Variants in CDADC1 observed in about 807,000 individuals in gnomAD.
The protein encoded by CDADC1 is dCTP deaminase.
A neutral mutation model predicts 54.9 loss-of-function variants in CDADC1; 39 were observed. That is an observed-to-expected ratio of 0.71 (90% confidence interval 0.55 to 0.93). The LOEUF is 0.93. Ranked by LOEUF, CDADC1 falls within the 40% of genes least tolerant of loss-of-function variation. The probability of loss-of-function intolerance (pLI) is 0.00; values close to 1 mark genes in which losing one functional copy is unlikely to be tolerated. For missense variants in CDADC1, 518 were observed against 618.8 expected (o/e 0.84, Z 1.73); for synonymous variants, 186 against 204.0 (o/e 0.91, Z 0.75).
intron 9 of CDADC1, 83 bp from the exon 10 acceptor site, chr13:49,291,601 G>T: frequency 1.6e-6 from 2 of 1,274,938 alleles, no homozygotes; most frequent in Non-Finnish European, 2.2e-6. Context: ...GCATTGTTTT[G>T]CTCTTACAAC....
intron 2 of CDADC1, among the ~76,000 whole-genome samples, chr13:49,253,278 C>T (rs1952474859): frequency 6.6e-6 from 1 of 151,960 alleles, no homozygotes; most frequent in Non-Finnish European, 1.5e-5. Flanking sequence ...ATCATAATTC[C>T]ACCTCCTAGA....
chr13:49,282,236 G>GGTTT lies in CDADC1; in HGVS notation c.1410+1538_1410+1539insGTTT, dbSNP rs1555315245. Among the ~76,000 whole-genome samples the GGTTT allele has an allele frequency of 2.3e-3, 214 of 94,116 alleles. 2 individuals carry two copies. The highest frequency in any genetic ancestry group is 3.8e-3 in the South Asian group (10 of 2,606). 61.7% of individuals were successfully genotyped at this position (94,116 alleles called of 152,430 possible). Reference sequence around the variant, plus strand: ...ACTATTTGGGTTCTGGTTTTTGTGGGTTTTTTTTTTTTTTTTTTTGCTTTT... The same window carrying GGTTT: ...ACTATTTGGGTTCTGGTTTTTGTGGGGTTTTTTTTTTTTTTTTTTTTTTGCTTTT... On this transcript the variant is annotated intron_variant, in intron 8 of 9. Coordinates refer to ENST00000251108, the MANE Select transcript of CDADC1 (RefSeq NM_030911.4).
chr13:49,280,805 A>AATTATTATTATTATTATTATT (rs10626538), intron 8 of CDADC1, 107 bp downstream of exon 8: 71 of 228,276 alleles, frequency 3.1e-4, no homozygotes, highest in African/African-American at 1.2e-3. Context: ...AGTTTCAACA[A>AATTATTATTATTATTATTATT]ATTATTATTA....
At chr13:49,275,716 TATATATATATAGAGAGAGAGAG>T (rs1953098727) in intron 6 of CDADC1, among the ~76,000 whole-genome samples, 3 of 58,078 alleles carry the variant, frequency 5.2e-5, no homozygotes, top group East Asian at 1.0e-3. Context: ...TATATATATA[TATATATATATAGAGAGAGAGAG>T]AGAGAGAGAG....
At chr13:49,281,853 C>CG (rs1953345471) in intron 8 of CDADC1, among the ~76,000 whole-genome samples, 1 of 152,110 alleles carries the variant, frequency 6.6e-6, no homozygotes, top group South Asian at 2.1e-4. Flanking sequence ...AGTGCAATGG[C>CG]GTGATCTCGG....
intron 4 of CDADC1, among the ~76,000 whole-genome samples, chr13:49,262,886 A>G (rs9535180): frequency 0.3 from 45,112 of 152,018 alleles, 6,817 homozygotes; most frequent in East Asian, 0.5. Context: ...CATACTCTTC[A>G]CTGCACTCAG....
At chr13:49,277,172 C>G (rs1312099059) in intron 6 of CDADC1, among the ~76,000 whole-genome samples, 1 of 151,174 alleles carries the variant, frequency 6.6e-6, no homozygotes, top group Non-Finnish European at 1.5e-5. Flanking sequence ...ATGAAATGAT[C>G]CATGTAAAAC....
intron 4 of CDADC1, among the ~76,000 whole-genome samples, chr13:49,264,445 G>A (rs1952763368): frequency 6.6e-6 from 1 of 151,920 alleles, no homozygotes; most frequent in Non-Finnish European, 1.5e-5. Context: ...GTACAGGTCA[G>A]GCGCAGTGGC....
intron 2 of CDADC1, among the ~76,000 whole-genome samples, chr13:49,251,572 C>T (rs758370320): frequency 2.8e-4 from 42 of 150,974 alleles, no homozygotes; most frequent in Non-Finnish European, 5.6e-4. Context: ...TTTCAACAGG[C>T]ACAAGTTGTA....
chr13:49,261,472 T>A lies in CDADC1; in HGVS notation c.430+1949T>A, dbSNP rs566788440. ...TCATGTTCAACTGACCTACAGTTCCTGTTTGTAGGTAATGTGGAGACATTG... is the reference window on the plus strand; with the variant it reads ...TCATGTTCAACTGACCTACAGTTCCAGTTTGTAGGTAATGTGGAGACATTG... On this transcript the variant is annotated intron_variant, in intron 4 of 9. Coordinates refer to ENST00000251108, the MANE Select transcript of CDADC1 (RefSeq NM_030911.4). 5.9e-5 allele frequency among the ~76,000 whole-genome samples: 9 copies of A among 152,332 alleles called. No individual in the cohort carries two copies. In the East Asian group the frequency reaches 1.7e-3, roughly 29 times the overall value.
At chr13:49,256,331 G>A (rs1256174469) in intron 3 of CDADC1, among the ~76,000 whole-genome samples, 1 of 152,144 alleles carries the variant, frequency 6.6e-6, no homozygotes, top group Non-Finnish European at 1.5e-5. Flanking sequence ...AGGACAAAAA[G>A]CAATCTGGCT....
intron 4 of CDADC1, among the ~76,000 whole-genome samples, chr13:49,260,794 A>C (rs1344453792): frequency 6.6e-6 from 1 of 152,230 alleles, no homozygotes; most frequent in East Asian, 1.9e-4. Flanking sequence ...TGGGGGCCAA[A>C]ATAACAATTT....
intron 2 of CDADC1, among the ~76,000 whole-genome samples, chr13:49,255,628 G>A (rs1952525270): frequency 6.6e-6 from 1 of 151,988 alleles, no homozygotes; most frequent in African/African-American, 2.4e-5. Context: ...TATGTTTTGG[G>A]AAAGTACATA....
At chr13:49,250,001 C>CT (rs1351055844) in intron 2 of CDADC1, among the ~76,000 whole-genome samples, 7 of 152,150 alleles carry the variant, frequency 4.6e-5, no homozygotes, top group East Asian at 1.9e-4. Flanking sequence ...GCATTTAAGA[C>CT]TTTTTTTAAA....
chr13:49,262,456 A>G (rs1056676425), intron 4 of CDADC1, among the ~76,000 whole-genome samples: 1 of 152,174 alleles, frequency 6.6e-6, no homozygotes, highest in Non-Finnish European at 1.5e-5. Flanking sequence ...CCAAAAAGCA[A>G]AAACAAAAAC....
Position 49,291,883 on chromosome 13 carries a change from A to T in CDADC1, c.*126A>T. ...ATTGAAAAGATTTTTTAAGGAAGCT[A>T]ATTTATTTCTAGGATACAAATGGTG... On this transcript the variant is annotated 3_prime_UTR_variant, in exon 10 of 10. Coordinates refer to ENST00000251108, the MANE Select transcript of CDADC1 (RefSeq NM_030911.4). 1 of 1,442,070 alleles carries T rather than the reference A, an allele frequency of 6.9e-7. No individual in the cohort carries two copies. Among genetic ancestry groups the T allele is most frequent in the African/African-American group, 1.4e-5 (1 of 69,752 alleles). 89.3% of individuals were successfully genotyped at this position (1,442,070 alleles called of 1,614,324 possible).
intron 9 of CDADC1, among the ~76,000 whole-genome samples, chr13:49,286,502 G>C (rs1438395764): frequency 3.3e-5 from 5 of 152,130 alleles, no homozygotes. Context: ...GAATCTACAG[G>C]TTAATACAAA....
In CDADC1 at chr13:49,271,801, G is replaced by A. The variant is rs1952971008; in HGVS notation, c.1001-2490G>A. Among the ~76,000 whole-genome samples, 6 of 152,022 alleles carry A rather than the reference G, an allele frequency of 3.9e-5. No homozygotes were observed. The South Asian group carries it at 1.2e-3, about 32-fold the overall frequency. On this transcript the variant is annotated intron_variant, in intron 5 of 9. Coordinates refer to ENST00000251108, the MANE Select transcript of CDADC1 (RefSeq NM_030911.4). Reference sequence around the variant, plus strand: ...GAATTTGACTCAATGATTGTAAGTTGACCTTTCCTTCAAAGTTGTACAGAG... The same window carrying A: ...GAATTTGACTCAATGATTGTAAGTTAACCTTTCCTTCAAAGTTGTACAGAG...
At chr13:49,265,965 G>A (rs776608576) in intron 4 of CDADC1, 11 of 1,300,724 alleles carry the variant, frequency 8.5e-6, no homozygotes, top group Non-Finnish European at 4.1e-6. Flanking sequence ...CGAACAGAGG[G>A]AAGGTGAAAT....
Sources: allele counts gnomAD v4.1 joint callset (sites outside exome capture counted in the v4.1 genomes callset), GRCh38; gene constraint gnomAD v4.1.1; transcripts MANE v1.5; gene names NCBI Gene and HGNC (gene_info 2026-07-23, HGNC 2026-07-21).